The following HYCC1 variants were observed in gnomAD, a reference collection of about 807,000 sequenced individuals.
The protein encoded by HYCC1 is hyccin.
the HYCC1 span, among the ~76,000 whole-genome samples, chr7:23,004,631 C>A: frequency 1.3e-5 from 2 of 151,694 alleles, no homozygotes; most frequent in African/African-American, 4.8e-5. Flanking sequence ...CCATCATTAT[C>A]ATGGGTAAAA....
At chr7:23,008,674 T>G in the HYCC1 span, among the ~76,000 whole-genome samples, 1 of 151,874 alleles carries the variant, frequency 6.6e-6, no homozygotes, top group African/African-American at 2.4e-5. Context: ...CAAAAAGAAA[T>G]AGCCCAATTA....
the HYCC1 span, among the ~76,000 whole-genome samples, chr7:22,992,663 T>C: frequency 6.6e-6 from 1 of 152,152 alleles, no homozygotes; most frequent in Non-Finnish European, 1.5e-5. Flanking sequence ...CTGTATCTAC[T>C]TTTTTTATGT....
the HYCC1 span, among the ~76,000 whole-genome samples, chr7:22,962,020 C>T: frequency 6.6e-6 from 1 of 151,972 alleles, no homozygotes; most frequent in Non-Finnish European, 1.5e-5. Flanking sequence ...AGAGTGCAAG[C>T]GAGGCCTAAA....
chr7:22,928,100 A>G, the HYCC1 span, among the ~76,000 whole-genome samples: 6 of 152,236 alleles, frequency 3.9e-5, no homozygotes, highest in Non-Finnish European at 5.9e-5. Flanking sequence ...GATTATCTCA[A>G]TAGATGCAGA....
At chr7:22,997,458 C>T in the HYCC1 span, among the ~76,000 whole-genome samples, 5 of 152,160 alleles carry the variant, frequency 3.3e-5, no homozygotes, top group African/African-American at 1.2e-4. Context: ...AAATTTTAAA[C>T]TTCTCTCCTA....
chr7:22,984,335 A>C, the HYCC1 span, among the ~76,000 whole-genome samples: 2,415 of 152,132 alleles, frequency 0.016, 68 homozygotes, highest in African/African-American at 0.055. Flanking sequence ...ACAAAAATTC[A>C]AAATAAAACA....
At chr7:22,991,516 T>C in the HYCC1 span, among the ~76,000 whole-genome samples, 2 of 152,118 alleles carry the variant, frequency 1.3e-5, no homozygotes, top group Non-Finnish European at 2.9e-5. Context: ...GCATCCAAAA[T>C]TGACTTTATA....
At chr7:22,977,369 G>A in the HYCC1 span, 1 of 1,599,280 alleles carries the variant, frequency 6.3e-7, no homozygotes, top group Non-Finnish European at 8.6e-7. Flanking sequence ...TTTGGATAAA[G>A]ATGGAATCGT....
chr7:23,014,042 A>G, the HYCC1 span: 1 of 470,928 alleles, frequency 2.1e-6, no homozygotes, highest in African/African-American at 2.0e-5. Context: ...CCTTCTTCCT[A>G]GCAGAACGGG....
chr7:22,941,560 A>G, the HYCC1 span: 1 of 152,196 alleles, frequency 6.6e-6, no homozygotes, highest in Admixed American at 6.6e-5. Flanking sequence ...AGAGAAAGCA[A>G]CAATACGTGA....
chr7:22,932,971 T>C, the HYCC1 span, among the ~76,000 whole-genome samples: 1 of 152,148 alleles, frequency 6.6e-6, no homozygotes, highest in Non-Finnish European at 1.5e-5. Context: ...GAAAGCCCTG[T>C]GACAACAGAA....
At chr7:22,961,863 G>GTGTGTGTGCA in the HYCC1 span, among the ~76,000 whole-genome samples, 1 of 152,014 alleles carries the variant, frequency 6.6e-6, no homozygotes, top group African/African-American at 2.4e-5. Flanking sequence ...GTGCATGTGT[G>GTGTGTGTGCA]TGTGTGTGCA....
At chr7:22,947,077 T>C in the HYCC1 span, 2 of 1,550,506 alleles carry the variant, frequency 1.3e-6, no homozygotes, top group South Asian at 1.2e-5. Flanking sequence ...CTCTCAGTTC[T>C]AGGATCTGTG....
At chr7:22,990,970 C>CATATAAAATACAA in the HYCC1 span, 7 of 826,576 alleles carry the variant, frequency 8.5e-6, no homozygotes, top group Non-Finnish European at 1.5e-5. Flanking sequence ...TTTAGCCTTT[C>CATATAAAATACAA]AGTCATATAA....
At chr7:22,965,629 T>C in the HYCC1 span, among the ~76,000 whole-genome samples, 1 of 151,422 alleles carries the variant, frequency 6.6e-6, no homozygotes, top group African/African-American at 2.4e-5. Flanking sequence ...TATTTATTTA[T>C]TATTATTAGT....
chr7:22,945,218 T>C, the HYCC1 span: 1 of 294,770 alleles, frequency 3.4e-6, no homozygotes, highest in Non-Finnish European at 6.4e-6. Flanking sequence ...AAATAGGAGC[T>C]ATTAAAAAAC....
the HYCC1 span, chr7:22,991,042 G>C: frequency 6.5e-7 from 1 of 1,527,056 alleles, no homozygotes; most frequent in Non-Finnish European, 9.1e-7. Flanking sequence ...AATTACTATA[G>C]TAGAACAGTA....
At chr7:22,932,994 G>A in the HYCC1 span, among the ~76,000 whole-genome samples, 1 of 152,196 alleles carries the variant, frequency 6.6e-6, no homozygotes, top group African/African-American at 2.4e-5. Context: ...AGAGATTGGA[G>A]TGATGCAGCT....
chr7:22,949,366 T>C, the HYCC1 span, among the ~76,000 whole-genome samples: 1 of 152,106 alleles, frequency 6.6e-6, no homozygotes, highest in Non-Finnish European at 1.5e-5. Context: ...TAACTTCAAA[T>C]GTCTCTTCTA....
Sources: gnomAD v4.1 joint callset for allele counts (sites outside exome capture counted in the v4.1 genomes callset) on GRCh38, gnomAD v4.1.1 for gene constraint, MANE v1.5 for transcripts, NCBI Gene and HGNC (gene_info 2026-07-23, HGNC 2026-07-21) for gene names.